DIPK1C: variants seen among roughly 807,000 people sequenced by gnomAD.
The protein encoded by DIPK1C is divergent protein kinase domain 1C.
DIPK1C carries 33 observed loss-of-function variants against 28.0 expected under a neutral mutation model. The observed-to-expected ratio is 1.18, with a 90% confidence interval of 0.89 to 1.58. The LOEUF (loss-of-function observed/expected upper bound fraction) is 1.58, where lower values mean the gene tolerates loss of function less well. Among genes scored for constraint, DIPK1C ranks in the 40% most tolerant of loss-of-function variants. DIPK1C has a pLI of 0.00. For missense variants in DIPK1C, 569 were observed against 568.5 expected, an observed-to-expected ratio of 1.00 and a Z score of -0.01; for synonymous variants, 255 against 248.8, an observed-to-expected ratio of 1.02 and a Z score of -0.23.
intron 1 of DIPK1C, among the ~76,000 whole-genome samples, chr18:74,448,413 C>T (rs938091746): frequency 4.6e-5 from 7 of 152,156 alleles, no homozygotes; most frequent in Non-Finnish European, 1.5e-5. Flanking sequence ...TTGTTCTCAC[C>T]CCATTTCATT....
Position 74,447,328 on chromosome 18 carries a change from C to A in DIPK1C, c.199-45G>T. ...CGGTCACCATGGGGAGGGCCTGGTG[C>A]CATCCGTCTCTCGGCTCGGGTTAGG... On this transcript the variant is annotated intron_variant, in intron 1 of 3. Coordinates refer to ENST00000343998, the MANE Select transcript of DIPK1C (RefSeq NM_001044369.3). The surrounding 1 kb of genome is among the most constrained non-coding windows in gnomAD (Gnocchi z 4.1). 1.4e-6 allele frequency: 2 copies of A among 1,467,208 alleles called. No individual in the cohort carries two copies. Among genetic ancestry groups the A allele is most frequent in the Non-Finnish European group, 1.8e-6 (2 of 1,104,512 alleles). 90.9% of individuals were successfully genotyped at this position (1,467,208 alleles called of 1,614,324 possible).
Position 74,457,110 on chromosome 18 carries a change from G to T in DIPK1C, c.150C>A (p.Leu50=). Residue 50 remains leucine, a synonymous_variant, in exon 1 of 4, where the codon CTC becomes CTA. Coordinates refer to ENST00000343998, the MANE Select transcript of DIPK1C (RefSeq NM_001044369.3). ...ALLLRAHPGV[L]SERCTDEKSR... Reference sequence around the variant, plus strand: ...TCTTCTCGTCGGTGCAGCGCTCGGAGAGGACACCCGGGTGCGCGCGGAGCA... The same window carrying T: ...TCTTCTCGTCGGTGCAGCGCTCGGATAGGACACCCGGGTGCGCGCGGAGCA... The T allele has an allele frequency of 6.8e-7, 1 of 1,466,284 alleles. No individual in the cohort carries two copies. 90.8% of individuals were successfully genotyped at this position (1,466,284 alleles called of 1,614,324 possible).
chr18:74,442,620 T>C (rs117544820), intron 2 of DIPK1C, among the ~76,000 whole-genome samples: 2,597 of 152,302 alleles, frequency 0.017, 30 homozygotes, highest in Admixed American at 0.035. Flanking sequence ...TGAGCCACCG[T>C]GCCCGGCCGC....
In DIPK1C at chr18:74,446,817, A is replaced by G. The variant is rs1357214592; in HGVS notation, c.665T>C (p.Val222Ala). 1.3e-6 allele frequency: 2 copies of G among 1,490,378 alleles called. No individual in the cohort carries two copies. Among genetic ancestry groups the G allele is most frequent in the Non-Finnish European group, 1.8e-6 (2 of 1,116,308 alleles). The allele number at this position is 1,490,378 out of a possible 1,614,324, so 92.3% of individuals were successfully genotyped here. A position where few individuals can be genotyped will look rare whatever the true frequency, so the allele number is the denominator to read the frequency against. The change falls in exon 2 of 4, where the codon GTG becomes GCG. Residue 222 changes from valine (V) to alanine (A), a missense_variant. Transcript: ENST00000343998. ...GGGGCTGCCCGCGGCCAGGAACTCC[A>G]CCGCGTAGAAGTGGCCGCAGGAACC... is the stretch of plus-strand genomic sequence containing the variant. ...VLGSCGHFYA[V>A]EFLAAGSPHH...
upstream of DIPK1C, among the ~76,000 whole-genome samples, chr18:74,461,356 C>T (rs1481777140): frequency 1.4e-5 from 2 of 140,892 alleles, no homozygotes; most frequent in African/African-American, 2.9e-5. Flanking sequence ...TCCTTCCTTC[C>T]TTCCTTCCTT....
At chr18:74,444,807 A>G (rs1181633733) in intron 2 of DIPK1C, among the ~76,000 whole-genome samples, 1 of 152,190 alleles carries the variant, frequency 6.6e-6, no homozygotes, top group Non-Finnish European at 1.5e-5. Flanking sequence ...GTGCAGCACC[A>G]GCCGACAAAA....
At chr18:74,441,072 T>C (rs1170062903) in intron 3 of DIPK1C, among the ~76,000 whole-genome samples, 1 of 152,238 alleles carries the variant, frequency 6.6e-6, no homozygotes, top group East Asian at 1.9e-4. Context: ...TCACAGCTGA[T>C]GCAGCACCAT....
At chr18:74,456,807 G>C (rs1986524234) in intron 1 of DIPK1C, among the ~76,000 whole-genome samples, 1 of 152,234 alleles carries the variant, frequency 6.6e-6, no homozygotes, top group Non-Finnish European at 1.5e-5. Context: ...GGACGGAGAG[G>C]CTGTCTGGGG....
chr18:74,459,865 C>T (rs1986591410), upstream of DIPK1C, among the ~76,000 whole-genome samples: 1 of 152,188 alleles, frequency 6.6e-6, no homozygotes, highest in Non-Finnish European at 1.5e-5. Context: ...AAATCACACC[C>T]TCTCAAGCTC....
At chr18:74,454,937 G>A (rs1328954033) in intron 1 of DIPK1C, among the ~76,000 whole-genome samples, 1 of 152,094 alleles carries the variant, frequency 6.6e-6, no homozygotes, top group Admixed American at 6.5e-5. Flanking sequence ...AACTCAAACA[G>A]GGCCTGTGGC....
intron 2 of DIPK1C, among the ~76,000 whole-genome samples, chr18:74,444,800 C>A (rs1986222424): frequency 6.6e-6 from 1 of 152,156 alleles, no homozygotes; most frequent in South Asian, 2.1e-4. Context: ...CTGAGCGGTG[C>A]AGCACCAGCC....
upstream of DIPK1C, among the ~76,000 whole-genome samples, chr18:74,461,796 G>A (rs544556457): frequency 6.6e-6 from 1 of 152,248 alleles, no homozygotes; most frequent in South Asian, 2.1e-4. Context: ...ACACTCTGCT[G>A]CCCAGCCTGG....
chr18:74,441,915 C>A, intron 3 of DIPK1C, 37 bp downstream of exon 3: 1 of 1,596,614 alleles, frequency 6.3e-7, no homozygotes, highest in South Asian at 1.1e-5. Flanking sequence ...AGCCAAAGAG[C>A]ACCCTCTCCT....
intron 2 of DIPK1C, among the ~76,000 whole-genome samples, chr18:74,446,004 C>T (rs918811491): frequency 4.6e-5 from 7 of 152,222 alleles, no homozygotes; most frequent in Non-Finnish European, 8.8e-5. Context: ...AGCTGCCTGG[C>T]CCCACGTGCC....
chr18:74,446,759 G>A lies in DIPK1C; in HGVS notation c.723C>T (p.Ala241=). 1 of 1,525,256 alleles carries A rather than the reference G, an allele frequency of 6.6e-7. No individual in the cohort carries two copies. Among genetic ancestry groups the A allele is most frequent in the Non-Finnish European group, 8.8e-7 (1 of 1,134,028 alleles). 94.5% of individuals were successfully genotyped at this position (1,525,256 alleles called of 1,614,324 possible). A position where few individuals can be genotyped will look rare whatever the true frequency, so the allele number is the denominator to read the frequency against. ...HHRALFPLDR[A]PGAPGGGQAK... is the part of the protein sequence containing the mutation. ...CCTGGCCACCCCCAGGGGCACCTGG[G>A]GCCCGGTCCAGGGGGAAGAGTGCCC... The change falls in exon 2 of 4, where the codon GCC becomes GCT. Residue 241 remains alanine, a synonymous_variant. Coordinates refer to ENST00000343998, the MANE Select transcript of DIPK1C (RefSeq NM_001044369.3).
rs1430457322 is a variant in DIPK1C at position 74,447,216 on chromosome 18, A to C, written c.266T>G (p.Leu89Arg). Residue 89 changes from leucine to arginine, a missense_variant, in exon 2 of 4, where the codon CTG becomes CGG. Physicochemically the swap from Leu to Arg is moderately radical, Grantham distance 102. Coordinates refer to ENST00000343998, the MANE Select transcript of DIPK1C (RefSeq NM_001044369.3). The surrounding 1 kb of genome is among the most constrained non-coding windows in gnomAD (Gnocchi z 4.1). The stretch of plus-strand genomic sequence containing the variant: ...GTAGTGCAGGCAGCGTTGGAACAGC[A>C]GCTCTCCCGCCACACACAGGTCCTC... ...LCEDLCVAGE[L>R]LFQRCLHYNR... The C allele has an allele frequency of 3.6e-5, 56 of 1,549,774 alleles. 1 individual carries two copies. Among genetic ancestry groups the C allele is most frequent in the Non-Finnish European group, 4.7e-5 (54 of 1,146,652 alleles).
At chr18:74,438,877 G>A (rs1239830114) in intron 3 of DIPK1C, among the ~76,000 whole-genome samples, 1 of 152,166 alleles carries the variant, frequency 6.6e-6, no homozygotes, top group Non-Finnish European at 1.5e-5. Flanking sequence ...GGGGCTTGGT[G>A]TTGGGCCCAC....
chr18:74,445,016 G>A (rs1986228216), intron 2 of DIPK1C, among the ~76,000 whole-genome samples: 2 of 152,126 alleles, frequency 1.3e-5, no homozygotes, highest in Non-Finnish European at 2.9e-5. Flanking sequence ...CAGCTCCTTC[G>A]AGAAGCAGAT....
intron 1 of DIPK1C, among the ~76,000 whole-genome samples, chr18:74,453,753 A>G (rs1986447034): frequency 1.3e-5 from 2 of 152,328 alleles, no homozygotes; most frequent in South Asian, 4.1e-4. Context: ...CATTGCTACC[A>G]TCAGACTACA....
Sources: allele counts gnomAD v4.1 joint callset (sites outside exome capture counted in the v4.1 genomes callset), GRCh38; gene constraint gnomAD v4.1.1; non-coding constraint Gnocchi (gnomAD v3.1); transcripts MANE v1.5; gene names NCBI Gene and HGNC (gene_info 2026-07-23, HGNC 2026-07-21).